Variants in CRB1 observed in about 807,000 individuals in gnomAD.
The protein encoded by CRB1 is crumbs cell polarity complex component 1, also known as protein crumbs homolog 1.
Under a neutral mutation model 120.0 loss-of-function variants are expected in CRB1, and 83 were observed. The ratio of observed to expected loss-of-function variants is 0.69; its 90% confidence interval spans 0.58 to 0.83. The LOEUF is 0.83. CRB1 is among the 40% of genes least tolerant of loss of function. CRB1 has a pLI of 0.00. For missense variants in CRB1, 1,699 were observed against 1,687.6 expected (o/e 1.01, Z -0.12); for synonymous variants, 625 against 612.5 (o/e 1.02, Z -0.30).
At chr1:197,251,695 T>A in the CRB1 span, among the ~76,000 whole-genome samples, 2 of 152,044 alleles carry the variant, frequency 1.3e-5, no homozygotes, top group African/African-American at 4.8e-5. Flanking sequence ...TTCCTTAAAT[T>A]TTTTTCTATA....
At chr1:197,398,016 C>T (rs190143819) in intron 5 of CRB1, among the ~76,000 whole-genome samples, 37 of 152,212 alleles carry the variant, frequency 2.4e-4, no homozygotes, top group East Asian at 7.7e-4. Flanking sequence ...CATCCTAACC[C>T]CAGTTTCTCA....
rs267598278 is a variant in CRB1, at chr1:197,421,741, C to T, written c.1913C>T (p.Ser638Leu). 1.1e-5 allele frequency: 18 copies of T among 1,614,128 alleles called. No homozygotes were observed. In the East Asian group the frequency reaches 1.3e-4, roughly 12 times the overall value. ...LNFYNMPSTP[S>L]FVGCLQDIKI... is the part of the protein sequence containing the mutation. ...TTCTATAATATGCCATCCACACCTT[C>T]GTTTGTAGGCTGTCTCCAAGACATT... The change falls in exon 6 of 12, where the codon TCG becomes TTG. Residue 638 changes from serine to leucine, a missense_variant. Coordinates refer to ENST00000367400, the MANE Select transcript of CRB1 (RefSeq NM_201253.3).
At chr1:197,343,267 G>T (rs1481833242) in intron 2 of CRB1, among the ~76,000 whole-genome samples, 20 of 151,830 alleles carry the variant, frequency 1.3e-4, no homozygotes, top group Admixed American at 1.3e-3. Context: ...TTATTATTTG[G>T]GGTTAGAAAC....
intron 5 of CRB1, among the ~76,000 whole-genome samples, chr1:197,404,034 C>T (rs958119658): frequency 9.2e-5 from 14 of 152,272 alleles, no homozygotes; most frequent in African/African-American, 3.4e-4. Context: ...ATACTTCAAA[C>T]CAAGCAGATA....
intron 5 of CRB1, among the ~76,000 whole-genome samples, chr1:197,397,118 A>G (rs1662810084): frequency 6.6e-6 from 1 of 152,168 alleles, no homozygotes; most frequent in African/African-American, 2.4e-5. Flanking sequence ...GTTTAAAAAT[A>G]TACAAAAAAT....
intron 10 of CRB1, 50 bp from the exon 11 acceptor site, chr1:197,442,116 C>A: frequency 6.2e-7 from 1 of 1,613,344 alleles, no homozygotes; most frequent in Admixed American, 1.7e-5. Context: ...ATTTCACAAC[C>A]AATGTATTCA....
At chr1:197,429,320 C>G in intron 7 of CRB1, 129 bp from the exon 8 acceptor site, 1 of 1,367,246 alleles carries the variant, frequency 7.3e-7, no homozygotes, top group Non-Finnish European at 1.0e-6. Flanking sequence ...AACAATGGAT[C>G]TTAAAAGTTT....
Position 197,473,618 on chromosome 1 carries a change from GAA to G in CRB1, c.4006-4035_4006-4034del, listed in dbSNP as rs36091967. On this transcript the variant is annotated intron_variant, in intron 11 of 11. Transcript: ENST00000367400. ...GCAGATAGCAGCATGTCATTTTTCA[GAA>G]AAAAAAAAAACAATTCTACATTATA... Among the ~76,000 whole-genome samples the G allele has an allele frequency of 1.4e-3, 206 of 145,194 alleles. 1 individual carries two copies. Among genetic ancestry groups the G allele is most frequent in the Middle Eastern group, 7.1e-3 (2 of 282 alleles).
At chr1:197,324,656 C>T (rs1480950698) in intron 1 of CRB1, among the ~76,000 whole-genome samples, 1 of 152,148 alleles carries the variant, frequency 6.6e-6, no homozygotes, top group Non-Finnish European at 1.5e-5. Flanking sequence ...CTTGATAAAA[C>T]TCATAGACTT....
chr1:197,213,189 T>C, the CRB1 span, among the ~76,000 whole-genome samples: 4 of 152,278 alleles, frequency 2.6e-5, no homozygotes, highest in East Asian at 7.7e-4. Flanking sequence ...AGTTCCAGTA[T>C]AAGTAATAGT....
rs369238256 is a variant in CRB1 at position 197,336,800 on chromosome 1, AT to A, written c.653-7480del. Among the ~76,000 whole-genome samples, 76 of 152,352 alleles carry A rather than the reference AT, an allele frequency of 5.0e-4. 1 individual carries two copies. The East Asian group carries it at 0.011, about 22-fold the overall frequency. ...CAACAATTACCATCTGTCTATAAAC[AT>A]CATGCTGTGGAAGAACAAAGAAAGA... is the stretch of plus-strand genomic sequence containing the variant. On this transcript the variant is annotated intron_variant, in intron 2 of 11. Coordinates refer to ENST00000367400, the MANE Select transcript of CRB1 (RefSeq NM_201253.3).
In CRB1 at chr1:197,271,479, T is replaced by C. The variant is rs184516815; in HGVS notation, c.70+2997T>C. Among the ~76,000 whole-genome samples the C allele has an allele frequency of 2.7e-3, 409 of 152,314 alleles. 1 individual carries two copies. The highest frequency in any genetic ancestry group is 4.3e-3 in the Non-Finnish European group (292 of 68,020). The stretch of plus-strand genomic sequence containing the variant: ...TTCAGGAAGTGACATTCCCTTTCTG[T>C]TCCTGAGCAGGTAGACATTCTCCTA... On this transcript the variant is annotated intron_variant, in intron 1 of 11. Coordinates refer to ENST00000367400, the MANE Select transcript of CRB1 (RefSeq NM_201253.3).
At chr1:197,317,484 G>GA (rs201907412) in intron 1 of CRB1, among the ~76,000 whole-genome samples, 320 of 149,458 alleles carry the variant, frequency 2.1e-3, no homozygotes, top group African/African-American at 6.7e-3. Flanking sequence ...CCCAAAATGA[G>GA]AAAAAAAAAA....
intron 5 of CRB1, among the ~76,000 whole-genome samples, chr1:197,377,378 A>G (rs533962012): frequency 6.6e-6 from 1 of 152,312 alleles, no homozygotes; most frequent in African/African-American, 2.4e-5. Flanking sequence ...AAATGCTGAA[A>G]TCAATCAGTT....
chr1:197,252,895 A>G, the CRB1 span, among the ~76,000 whole-genome samples: 2 of 151,748 alleles, frequency 1.3e-5, no homozygotes, highest in African/African-American at 4.8e-5. Flanking sequence ...TGGGTTCTCA[A>G]TGGATTGGAT....
chr1:197,280,979 T>G (rs1464703601), intron 1 of CRB1, among the ~76,000 whole-genome samples: 1 of 151,880 alleles, frequency 6.6e-6, no homozygotes, highest in Non-Finnish European at 1.5e-5. Flanking sequence ...AATGATGGGT[T>G]TCTGTGCTAC....
intron 1 of CRB1, among the ~76,000 whole-genome samples, chr1:197,296,564 T>C (rs546804395): frequency 2.8e-4 from 42 of 152,166 alleles, no homozygotes; most frequent in Admixed American, 2.7e-3. Flanking sequence ...TAAAGTGAAG[T>C]GATTTATCAT....
intron 1 of CRB1, among the ~76,000 whole-genome samples, chr1:197,272,573 T>C (rs1422474915): frequency 6.6e-6 from 1 of 152,070 alleles, no homozygotes; most frequent in Non-Finnish European, 1.5e-5. Context: ...GCTACATCTA[T>C]ATAATGGAAT....
At chr1:197,362,824 T>A (rs1269159602) in intron 5 of CRB1, among the ~76,000 whole-genome samples, 4 of 152,188 alleles carry the variant, frequency 2.6e-5, no homozygotes, top group Non-Finnish European at 4.4e-5. Context: ...CATGCTTTTT[T>A]AATTCATCTT....
Sources: gnomAD v4.1 joint callset for allele counts (sites outside exome capture counted in the v4.1 genomes callset) on GRCh38, gnomAD v4.1.1 for gene constraint, MANE v1.5 for transcripts, NCBI Gene and HGNC (gene_info 2026-07-23, HGNC 2026-07-21) for gene names.